The following ANK2 variants were observed in gnomAD, a reference collection of about 807,000 sequenced individuals.
ANK2 encodes the protein ankyrin 2.
A neutral mutation model predicts 360.5 loss-of-function variants in ANK2; 83 were observed. The observed-to-expected ratio is 0.23, with a 90% CI of 0.19 to 0.28. The LOEUF (loss-of-function observed/expected upper bound fraction) is 0.28. Ranked by LOEUF, ANK2 falls within the 10% of genes least tolerant of loss-of-function variation. ANK2 has a pLI of 1.00. For synonymous variants in ANK2, 1,740 were observed against 1,759.5 expected, an observed-to-expected ratio of 0.99 and a Z score of 0.28; for missense variants, 4,201 against 4,795.7, an observed-to-expected ratio of 0.88 and a Z score of 3.66.
intron 1 of ANK2, among the ~76,000 whole-genome samples, chr4:112,847,231 A>T (rs2063522137): frequency 6.6e-6 from 1 of 152,278 alleles, no homozygotes; most frequent in South Asian, 2.1e-4. Context: ...TGTCCTGTGG[A>T]TACTGCAAAC....
chr4:112,833,822 A>G (rs2060391222), intron 1 of ANK2, among the ~76,000 whole-genome samples: 1 of 152,216 alleles, frequency 6.6e-6, no homozygotes, highest in Admixed American at 6.5e-5. Flanking sequence ...TATGTTTTAA[A>G]ATACATAATA....
At chr4:113,372,575 G>C (rs1278839113) in intron 43 of ANK2, 4 of 1,535,856 alleles carry the variant, frequency 2.6e-6, no homozygotes, top group Non-Finnish European at 2.6e-6. Context: ...CAGCTCAGAT[G>C]AGGAGGCGAT....
intron 1 of ANK2, among the ~76,000 whole-genome samples, chr4:113,072,414 G>T (rs888917524): frequency 6.6e-6 from 1 of 152,190 alleles, no homozygotes. Context: ...TGGAATTTGG[G>T]GTGGTGGGTA....
intron 13 of ANK2, among the ~76,000 whole-genome samples, chr4:113,264,513 GA>G (rs1448338374): frequency 1.3e-5 from 2 of 151,942 alleles, no homozygotes; most frequent in South Asian, 2.1e-4. Flanking sequence ...TCATGGACTT[GA>G]AAAAATAAAA....
chr4:112,749,529 T>C, the ANK2 span, among the ~76,000 whole-genome samples: 1 of 152,154 alleles, frequency 6.6e-6, no homozygotes, highest in Admixed American at 6.5e-5. Flanking sequence ...CCAGACTTTT[T>C]CAGAGTCAGC....
chr4:112,773,494 C>T, the ANK2 span, among the ~76,000 whole-genome samples: 61 of 152,342 alleles, frequency 4.0e-4, 2 homozygotes, highest in South Asian at 6.2e-4. Context: ...TCTCTTCCCA[C>T]CTACCCTTAG....
At chr4:113,188,207 C>T (rs946449481) in intron 2 of ANK2, among the ~76,000 whole-genome samples, 6 of 152,138 alleles carry the variant, frequency 3.9e-5, no homozygotes, top group South Asian at 2.1e-4. Context: ...AGTAGATGGA[C>T]GGACAAATTC....
chr4:112,903,572 A>G (rs2084182900), intron 1 of ANK2, among the ~76,000 whole-genome samples: 1 of 152,202 alleles, frequency 6.6e-6, no homozygotes, highest in Admixed American at 6.5e-5. Context: ...ATGGCCATAT[A>G]TTAGTGGCTT....
intron 3 of ANK2, 90 bp from the exon 4 acceptor site, chr4:113,198,921 T>A (rs903347839): frequency 2.0e-6 from 2 of 1,011,838 alleles, no homozygotes; most frequent in Admixed American, 3.5e-5. Flanking sequence ...TCGGTTAAAG[T>A]GATTAGTGAA....
chr4:113,383,547 A>T lies in ANK2; in HGVS notation c.*2076A>T, dbSNP rs2097202861. 1 of 152,620 alleles carries T rather than the reference A, an allele frequency of 6.6e-6. No individual in the cohort carries two copies. The highest frequency in any genetic ancestry group is 2.1e-4 in the South Asian group (1 of 4,834). The allele number at this position is 152,620 out of a possible 1,614,324, so 9.5% of individuals were successfully genotyped here. Reference sequence around the variant, plus strand: ...TTTTTGCTGTGTTATCAAAAACTTGAATACTGTGAGAAGAAGTGAATTTTC... The same window carrying T: ...TTTTTGCTGTGTTATCAAAAACTTGTATACTGTGAGAAGAAGTGAATTTTC... On this transcript the variant is annotated 3_prime_UTR_variant, in exon 46 of 46. Transcript: ENST00000357077.
chr4:112,776,585 C>T, the ANK2 span, among the ~76,000 whole-genome samples: 1 of 152,160 alleles, frequency 6.6e-6, no homozygotes, highest in Non-Finnish European at 1.5e-5. Context: ...CTTGTACTTG[C>T]TGTTTTTTAA....
chr4:113,251,475 CTT>C (rs1167630240), intron 10 of ANK2, among the ~76,000 whole-genome samples: 1,708 of 87,716 alleles, frequency 0.019, 5 homozygotes, highest in East Asian at 0.055. Context: ...AATACAAAAT[CTT>C]TTTTTTTTTT....
In ANK2 at chr4:113,373,111, C is replaced by A. The variant is rs369756604; in HGVS notation, c.11632C>A (p.Pro3878Thr). The A allele has an allele frequency of 3.1e-6, 5 of 1,614,008 alleles. No homozygotes were observed. The highest frequency in any genetic ancestry group is 1.1e-5 in the South Asian group (1 of 91,078). ...FEKGDDMPEI[P>T]PETVTEEEYI... ...TTAGGGAGACGATATGCCTGAAATA[C>A]CCCCAGAAACAGTCACAGAAGAAGA... is the stretch of plus-strand genomic sequence containing the variant. The change falls in exon 44 of 46, where the codon CCC (proline) becomes ACC (threonine). Residue 3878 changes from proline (P) to threonine (T), a missense_variant. Transcript: ENST00000357077.
intron 2 of ANK2, among the ~76,000 whole-genome samples, chr4:112,970,482 G>A (rs544655504): frequency 6.6e-6 from 1 of 152,170 alleles, no homozygotes; most frequent in African/African-American, 2.4e-5. Context: ...AGCCTCCCGA[G>A]TAGCTGGGAT....
chr4:113,089,446 A>G (rs1311187255), intron 1 of ANK2, among the ~76,000 whole-genome samples: 1 of 152,202 alleles, frequency 6.6e-6, no homozygotes, highest in East Asian at 1.9e-4. Context: ...GAAAACCTAT[A>G]AATAGAGCCC....
intron 2 of ANK2, among the ~76,000 whole-genome samples, chr4:112,988,189 AT>A (rs1380809040): frequency 1.3e-5 from 2 of 152,236 alleles, no homozygotes; most frequent in Non-Finnish European, 2.9e-5. Context: ...CAAAATTTTT[AT>A]TGAGCATCTA....
chr4:113,014,011 G>A (rs528255041), intron 2 of ANK2, among the ~76,000 whole-genome samples: 81 of 152,058 alleles, frequency 5.3e-4, no homozygotes, highest in African/African-American at 1.8e-3. Flanking sequence ...TCAATTTAAG[G>A]AATTAAAATA....
At chr4:113,343,852 T>A (rs2094538423) in intron 34 of ANK2, among the ~76,000 whole-genome samples, 2 of 152,228 alleles carry the variant, frequency 1.3e-5, no homozygotes, top group Admixed American at 6.5e-5. Context: ...ATTTCACTAA[T>A]CCAGAGGTCC....
chr4:113,302,645 G>A, intron 22 of ANK2, 122 bp from the exon 23 acceptor site: 1 of 773,356 alleles, frequency 1.3e-6, no homozygotes, highest in Non-Finnish European at 2.3e-6. Flanking sequence ...ACGCGGGAAA[G>A]ATCCCGTAGT....
Sources: gnomAD v4.1 joint callset for allele counts (sites outside exome capture counted in the v4.1 genomes callset) on GRCh38, gnomAD v4.1.1 for gene constraint, MANE v1.5 for transcripts, NCBI Gene and HGNC (gene_info 2026-07-23, HGNC 2026-07-21) for gene names.